The following SAMTOR variants were observed in gnomAD, a reference collection of about 807,000 sequenced individuals.
SAMTOR encodes S-adenosylmethionine sensor upstream of mTORC1.
chr7:112,850,081 C>G, the SAMTOR span, among the ~76,000 whole-genome samples: 1 of 152,214 alleles, frequency 6.6e-6, no homozygotes, highest in South Asian at 2.1e-4. Context: ...TGGTGCATGC[C>G]TGTAATCCCA....
chr7:112,853,637 A>G, the SAMTOR span, among the ~76,000 whole-genome samples: 1 of 152,108 alleles, frequency 6.6e-6, no homozygotes, highest in Non-Finnish European at 1.5e-5. Flanking sequence ...AGTTTACAGT[A>G]GCTTTTTTGT....
chr7:112,902,445 AAAAC>A, the SAMTOR span, among the ~76,000 whole-genome samples: 713 of 133,264 alleles, frequency 5.4e-3, 110 homozygotes, highest in Non-Finnish European at 8.9e-3. Flanking sequence ...AAAACAAAAA[AAAAC>A]AAAAAAAAAA....
At chr7:112,914,349 G>C in the SAMTOR span, among the ~76,000 whole-genome samples, 1 of 149,780 alleles carries the variant, frequency 6.7e-6, no homozygotes, top group Admixed American at 6.7e-5. Context: ...CGTCACAGGG[G>C]TTTGGTATAT....
the SAMTOR span, chr7:112,939,646 C>A: frequency 6.2e-7 from 1 of 1,613,984 alleles, no homozygotes; most frequent in Non-Finnish European, 8.5e-7. Context: ...CACCGGAGAG[C>A]TTCTCCTGCT....
chr7:112,903,456 A>T, the SAMTOR span, among the ~76,000 whole-genome samples: 1 of 152,066 alleles, frequency 6.6e-6, no homozygotes, highest in East Asian at 1.9e-4. Context: ...AAAAAAAAAA[A>T]TACAGGTATA....
the SAMTOR span, among the ~76,000 whole-genome samples, chr7:112,842,688 T>C: frequency 4.6e-5 from 7 of 152,042 alleles, no homozygotes; most frequent in Non-Finnish European, 8.8e-5. Flanking sequence ...GTTATGAAAG[T>C]GTATGTAAAT....
At chr7:112,915,238 G>GA in the SAMTOR span, 2 of 1,436,734 alleles carry the variant, frequency 1.4e-6, no homozygotes, top group Non-Finnish European at 1.9e-6. Context: ...CTCCGTCTCA[G>GA]GAAAAAAAAA....
the SAMTOR span, among the ~76,000 whole-genome samples, chr7:112,938,062 A>T: frequency 6.6e-6 from 1 of 152,126 alleles, no homozygotes; most frequent in Non-Finnish European, 1.5e-5. Context: ...ATTTGTACAA[A>T]ATAGCAGGAT....
chr7:112,882,766 T>TAA, the SAMTOR span, among the ~76,000 whole-genome samples: 3 of 120,670 alleles, frequency 2.5e-5, no homozygotes, highest in African/African-American at 6.0e-5. Context: ...CATCTTTTTT[T>TAA]AAAAAAAAAA....
At chr7:112,933,109 C>T in the SAMTOR span, among the ~76,000 whole-genome samples, 3 of 152,238 alleles carry the variant, frequency 2.0e-5, no homozygotes, top group South Asian at 2.1e-4. Flanking sequence ...AGAATAGCTA[C>T]GGTTAACATC....
the SAMTOR span, among the ~76,000 whole-genome samples, chr7:112,835,721 TGA>T: frequency 6.6e-6 from 1 of 152,278 alleles, no homozygotes; most frequent in African/African-American, 2.4e-5. Flanking sequence ...CACTAACAAG[TGA>T]GAACATGAAG....
At chr7:112,839,095 A>G in the SAMTOR span, among the ~76,000 whole-genome samples, 1 of 151,904 alleles carries the variant, frequency 6.6e-6, no homozygotes, top group Non-Finnish European at 1.5e-5. Flanking sequence ...CAGAGAAAGT[A>G]CATGGTTAAG....
the SAMTOR span, among the ~76,000 whole-genome samples, chr7:112,913,145 CT>C: frequency 6.6e-5 from 10 of 152,146 alleles, no homozygotes; most frequent in African/African-American, 2.4e-4. Flanking sequence ...ACCATCTTCT[CT>C]CTAGAAATGC....
At chr7:112,852,227 T>C in the SAMTOR span, among the ~76,000 whole-genome samples, 1 of 152,148 alleles carries the variant, frequency 6.6e-6, no homozygotes, top group Non-Finnish European at 1.5e-5. Flanking sequence ...AATGGCTAAA[T>C]ACAGAAAATG....
At chr7:112,879,177 CAG>C in the SAMTOR span, among the ~76,000 whole-genome samples, 1 of 149,490 alleles carries the variant, frequency 6.7e-6, no homozygotes, top group East Asian at 2.0e-4. Context: ...CAAAAACAAA[CAG>C]AGAGGTCTAG....
At chr7:112,928,732 A>G in the SAMTOR span, among the ~76,000 whole-genome samples, 1 of 152,010 alleles carries the variant, frequency 6.6e-6, no homozygotes, top group South Asian at 2.1e-4. Flanking sequence ...ACTGTTTTCA[A>G]AGTAAGAGTT....
chr7:112,863,937 G>C, the SAMTOR span, among the ~76,000 whole-genome samples: 1 of 152,118 alleles, frequency 6.6e-6, no homozygotes, highest in Non-Finnish European at 1.5e-5. Context: ...CTATTATAAA[G>C]ACACATGCAC....
chr7:112,918,382 C>T, the SAMTOR span, among the ~76,000 whole-genome samples: 1 of 152,132 alleles, frequency 6.6e-6, no homozygotes, highest in South Asian at 2.1e-4. Flanking sequence ...AAATACTTTA[C>T]AGACAAGCAA....
At chr7:112,923,612 A>G in the SAMTOR span, among the ~76,000 whole-genome samples, 8 of 152,218 alleles carry the variant, frequency 5.3e-5, no homozygotes, top group African/African-American at 1.9e-4. Flanking sequence ...AAACTAGTTC[A>G]ACCATTGTGG....
Sources: allele counts gnomAD v4.1 joint callset (sites outside exome capture counted in the v4.1 genomes callset), GRCh38; gene constraint gnomAD v4.1.1; transcripts MANE v1.5; gene names NCBI Gene and HGNC (gene_info 2026-07-23, HGNC 2026-07-21).